The following UNC13B variants were observed in gnomAD, a reference collection of about 807,000 sequenced individuals.
UNC13B encodes protein unc-13 homolog B.
A neutral mutation model predicts 211.0 loss-of-function variants in UNC13B; 144 were observed. The ratio of observed to expected loss-of-function variants is 0.68; its 90% CI spans 0.60 to 0.78. UNC13B has a LOEUF of 0.78. Ranked by LOEUF, UNC13B falls within the 30% of genes least tolerant of loss-of-function variation. The pLI is 0.00. For missense variants in UNC13B, 1,777 were observed against 2,002.0 expected, an observed-to-expected ratio of 0.89 and a Z score of 2.14; for synonymous variants, 709 against 725.8, an observed-to-expected ratio of 0.98 and a Z score of 0.37.
chr9:35,229,216 G>A (rs1413657107), intron 2 of UNC13B, among the ~76,000 whole-genome samples: 1 of 152,184 alleles, frequency 6.6e-6, no homozygotes, highest in African/African-American at 2.4e-5. Flanking sequence ...TGGGGAAGGA[G>A]GGAGGGGAGC....
At chr9:35,338,926 C>T (rs1018345379) in intron 11 of UNC13B, among the ~76,000 whole-genome samples, 4 of 152,112 alleles carry the variant, frequency 2.6e-5, no homozygotes, top group Non-Finnish European at 5.9e-5. Context: ...TTGGTGAGGC[C>T]CTCCTCCAGT....
At chr9:35,192,408 C>G (rs1822707494) in intron 1 of UNC13B, among the ~76,000 whole-genome samples, 1 of 152,202 alleles carries the variant, frequency 6.6e-6, no homozygotes, top group Admixed American at 6.5e-5. Flanking sequence ...GCAGAACTGC[C>G]TGTTTTTCAG....
chr9:35,323,417 T>C (rs2131922639), intron 11 of UNC13B, among the ~76,000 whole-genome samples: 1 of 152,306 alleles, frequency 6.6e-6, no homozygotes, highest in Non-Finnish European at 1.5e-5. Flanking sequence ...ATGCAAATCC[T>C]GTACATAAGC....
At chr9:35,230,491 A>T (rs1825136005) in intron 2 of UNC13B, among the ~76,000 whole-genome samples, 1 of 151,636 alleles carries the variant, frequency 6.6e-6, no homozygotes, top group Non-Finnish European at 1.5e-5. Flanking sequence ...AAAAAAAAAA[A>T]AGATTTCTTT....
At chr9:35,399,861 A>C (rs1485868295) in intron 36 of UNC13B, 132 bp downstream of exon 36, 5 of 865,736 alleles carry the variant, frequency 5.8e-6, no homozygotes, top group Non-Finnish European at 9.2e-6. Flanking sequence ...ATGTACTGCC[A>C]AGGATACAGA....
At chr9:35,309,231 G>A (rs1383960441) in intron 9 of UNC13B, among the ~76,000 whole-genome samples, 1 of 82,552 alleles carries the variant, frequency 1.2e-5, no homozygotes, top group Non-Finnish European at 2.6e-5. Flanking sequence ...CAGTGTGTGT[G>A]TGTGTGTGTG....
chr9:35,325,929 G>A (rs1830980915), intron 11 of UNC13B, among the ~76,000 whole-genome samples: 1 of 152,216 alleles, frequency 6.6e-6, no homozygotes, highest in African/African-American at 2.4e-5. Flanking sequence ...TAATGCAGCT[G>A]TGAACATTCA....
At chr9:35,244,479 G>A (rs1453760696) in intron 6 of UNC13B, among the ~76,000 whole-genome samples, 1 of 152,160 alleles carries the variant, frequency 6.6e-6, no homozygotes, top group Non-Finnish European at 1.5e-5. Context: ...TAGACTGGAA[G>A]TCTGAAATTA....
At chr9:35,401,845 T>G in intron 37 of UNC13B, 1 of 1,049,698 alleles carries the variant, frequency 9.5e-7, no homozygotes, top group Non-Finnish European at 1.4e-6. Flanking sequence ...CCTCAGAATA[T>G]GTGTAGAGCT....
At chr9:35,374,393 C>T (rs1444390600) in intron 13 of UNC13B, among the ~76,000 whole-genome samples, 1 of 115,476 alleles carries the variant, frequency 8.7e-6, no homozygotes, top group African/African-American at 3.9e-5. Context: ...GCAGCCCCAG[C>T]TCTCAGACTT....
chr9:35,403,136 A>G lies in UNC13B; in HGVS notation c.12485-31A>G, dbSNP rs569917551. ...CAGGTTTACCTCCTACAGTTCTCCA[A>G]TGGGGAATCATCTCTCCATTTGTCC... On this transcript the variant is annotated intron_variant, in intron 37 of 39. Coordinates refer to ENST00000635942, the MANE Select transcript of UNC13B (RefSeq NM_001371189.2). The G allele has an allele frequency of 9.6e-5, 154 of 1,609,074 alleles. 3 individuals carry two copies. The South Asian group carries it at 1.2e-3, about 12-fold the overall frequency.
At chr9:35,192,730 C>A (rs1822725282) in intron 1 of UNC13B, among the ~76,000 whole-genome samples, 1 of 152,152 alleles carries the variant, frequency 6.6e-6, no homozygotes, top group Admixed American at 6.5e-5. Flanking sequence ...CTAGTAAGGC[C>A]ATGCCCTTGT....
chr9:35,179,193 G>A (rs902929306), intron 1 of UNC13B, among the ~76,000 whole-genome samples: 23 of 152,108 alleles, frequency 1.5e-4, no homozygotes, highest in African/African-American at 5.3e-4. Flanking sequence ...TTTAATAAAA[G>A]TATTTAGGGA....
At chr9:35,341,778 G>T (rs886797005) in intron 11 of UNC13B, 2 of 210,862 alleles carry the variant, frequency 9.5e-6, no homozygotes, top group Non-Finnish European at 1.6e-5. Flanking sequence ...TGGGAAGGGG[G>T]TGTGTGCGCC....
intron 7 of UNC13B, among the ~76,000 whole-genome samples, chr9:35,278,990 T>C (rs1241961585): frequency 2.0e-5 from 3 of 152,196 alleles, no homozygotes; most frequent in African/African-American, 7.2e-5. Flanking sequence ...TCATATAATA[T>C]GTATGACTAC....
chr9:35,184,840 GAAAGAAAGA>G (rs1232600937), intron 1 of UNC13B, among the ~76,000 whole-genome samples: 5 of 96,862 alleles, frequency 5.2e-5, no homozygotes, highest in African/African-American at 2.1e-4. Context: ...AGAGGAGAAA[GAAAGAAAGA>G]AAAGAAAGAA....
chr9:35,380,156 T>C (rs1289168352), intron 17 of UNC13B, among the ~76,000 whole-genome samples: 1 of 152,142 alleles, frequency 6.6e-6, no homozygotes, highest in Non-Finnish European at 1.5e-5. Flanking sequence ...GCTATTTTCC[T>C]CTTGGTGTTG....
intron 7 of UNC13B, among the ~76,000 whole-genome samples, chr9:35,281,018 G>A (rs189871501): frequency 6.6e-6 from 1 of 152,230 alleles, no homozygotes; most frequent in Non-Finnish European, 1.5e-5. Context: ...GGGAGGCTGA[G>A]GCGGGTGGAT....
intron 6 of UNC13B, among the ~76,000 whole-genome samples, chr9:35,257,187 A>ACG (rs1826928136): frequency 2.6e-5 from 4 of 151,520 alleles, no homozygotes; most frequent in African/African-American, 9.7e-5. Context: ...GGCTGGGTGC[A>ACG]GTGGCTCACA....
Sources: gnomAD v4.1 joint callset for allele counts (sites outside exome capture counted in the v4.1 genomes callset) on GRCh38, gnomAD v4.1.1 for gene constraint, MANE v1.5 for transcripts, NCBI Gene and HGNC (gene_info 2026-07-23, HGNC 2026-07-21) for gene names.